Variants in PBX3 observed in about 807,000 individuals in gnomAD.
PBX3 encodes the protein PBX homeobox 3.
A neutral mutation model predicts 48.5 loss-of-function variants in PBX3; 14 were observed. The observed-to-expected ratio is 0.29, with a 90% CI of 0.19 to 0.45. The LOEUF (loss-of-function observed/expected upper bound fraction) is 0.45, where lower values mean the gene tolerates loss of function less well. PBX3 is among the 20% of genes least tolerant of loss of function. PBX3 has a pLI of 1.00. For synonymous variants in PBX3, 210 were observed against 200.3 expected (o/e 1.05, Z -0.41); for missense variants, 386 against 546.7 (o/e 0.71, Z 2.93).
intron 4 of PBX3, 50 bp downstream of exon 4, chr9:125,929,895 C>T: frequency 7.3e-7 from 1 of 1,377,674 alleles, no homozygotes. Flanking sequence ...TCTGTCACTC[C>T]TTGTGTATTA....
chr9:125,754,562 A>G (rs1231620479), intron 2 of PBX3, among the ~76,000 whole-genome samples: 1 of 150,564 alleles, frequency 6.6e-6, no homozygotes, highest in East Asian at 1.9e-4. Flanking sequence ...TACTGAAAAA[A>G]TAAACCACCT....
intron 5 of PBX3, among the ~76,000 whole-genome samples, chr9:125,955,750 C>T (rs1842292195): frequency 6.6e-6 from 1 of 152,210 alleles, no homozygotes; most frequent in African/African-American, 2.4e-5. Context: ...AATCCTGTTG[C>T]TTTTAGAGTC....
intron 2 of PBX3, among the ~76,000 whole-genome samples, chr9:125,841,159 A>G (rs1227540996): frequency 6.6e-6 from 1 of 152,314 alleles, no homozygotes; most frequent in African/African-American, 2.4e-5. Flanking sequence ...GAGAGGTTTA[A>G]TAAATTGTCT....
At chr9:125,842,450 GA>G (rs1249017438) in intron 2 of PBX3, among the ~76,000 whole-genome samples, 3 of 152,156 alleles carry the variant, frequency 2.0e-5, no homozygotes, top group Admixed American at 2.0e-4. Flanking sequence ...CCGGTTAGGA[GA>G]AATCTGCACA....
chr9:125,769,325 C>CAAA (rs1333869109), intron 2 of PBX3, among the ~76,000 whole-genome samples: 1 of 152,204 alleles, frequency 6.6e-6, no homozygotes. Context: ...TATCTTATTA[C>CAAA]TGTGAAAATA....
intron 2 of PBX3, among the ~76,000 whole-genome samples, chr9:125,864,576 G>A (rs961602224): frequency 6.6e-6 from 1 of 152,192 alleles, no homozygotes; most frequent in Admixed American, 6.5e-5. Context: ...GGGATGATGG[G>A]AAACAGGGAC....
chr9:125,803,124 C>T (rs1425319769), intron 2 of PBX3, among the ~76,000 whole-genome samples: 3 of 132,034 alleles, frequency 2.3e-5, no homozygotes, highest in African/African-American at 2.9e-5. Flanking sequence ...GTCAGAGTCT[C>T]GCTGTGTCGC....
At chr9:125,928,078 G>A (rs1334182443) in intron 3 of PBX3, among the ~76,000 whole-genome samples, 1 of 152,008 alleles carries the variant, frequency 6.6e-6, no homozygotes, top group African/African-American at 2.4e-5. Flanking sequence ...AGCTACTCGG[G>A]AGGCTGAGGC....
At position 125,921,832 on chromosome 9, in the gene PBX3, A is replaced by G. The variant is rs1841464174; in HGVS notation, c.516+5905A>G. 2.0e-5 allele frequency among the ~76,000 whole-genome samples: 3 copies of G among 152,338 alleles called. No individual in the cohort carries two copies. In the South Asian group the frequency reaches 6.2e-4, roughly 32 times the overall value. On this transcript the variant is annotated intron_variant, in intron 3 of 8. Coordinates refer to ENST00000373489, the MANE Select transcript of PBX3 (RefSeq NM_006195.6). ...TAGTTGCAGTACAAATTTGAGGGGC[A>G]TCTACTTTTTAAAAGATATTTATTC...
At chr9:125,869,272 G>A (rs1273849847) in intron 2 of PBX3, among the ~76,000 whole-genome samples, 1 of 152,094 alleles carries the variant, frequency 6.6e-6, no homozygotes, top group African/African-American at 2.4e-5. Flanking sequence ...GATGTTAAGA[G>A]GATAGAGTAA....
chr9:125,964,076 C>G lies in PBX3; in HGVS notation c.1212+975C>G, dbSNP rs1469014121. Among the ~76,000 whole-genome samples, 3 of 152,040 alleles carry G rather than the reference C, an allele frequency of 2.0e-5. No individual in the cohort carries two copies. In the East Asian group the frequency reaches 5.8e-4, roughly 29 times the overall value. On this transcript the variant is annotated intron_variant, in intron 8 of 8. Coordinates refer to ENST00000373489, the MANE Select transcript of PBX3 (RefSeq NM_006195.6). ...TTCAGAGAATGTGCGATATCCTTAT[C>G]AACATGATAAAATATGAAACTGTGA...
intron 5 of PBX3, among the ~76,000 whole-genome samples, chr9:125,958,109 T>C (rs1281144273): frequency 6.6e-6 from 1 of 152,220 alleles, no homozygotes; most frequent in African/African-American, 2.4e-5. Flanking sequence ...TAATGGTCAC[T>C]GAGGATTTGT....
chr9:125,777,656 G>T (rs375185665), intron 2 of PBX3, among the ~76,000 whole-genome samples: 1 of 151,878 alleles, frequency 6.6e-6, no homozygotes, highest in African/African-American at 2.4e-5. Flanking sequence ...GAGCCACCAC[G>T]CCCAGCCTAA....
At chr9:125,868,561 G>A (rs1012400524) in intron 2 of PBX3, among the ~76,000 whole-genome samples, 2 of 152,310 alleles carry the variant, frequency 1.3e-5, no homozygotes, top group East Asian at 3.9e-4. Flanking sequence ...TTCCAGGGGC[G>A]TGGAGTAGGG....
intron 2 of PBX3, among the ~76,000 whole-genome samples, chr9:125,812,282 G>A (rs183425468): frequency 3.9e-5 from 6 of 152,218 alleles, no homozygotes; most frequent in African/African-American, 1.2e-4. Flanking sequence ...TGGGTTGGGG[G>A]GCACAAATAT....
intron 5 of PBX3, 69 bp from the exon 6 acceptor site, chr9:125,960,615 C>T (rs1842407416): frequency 1.4e-6 from 2 of 1,400,484 alleles, no homozygotes; most frequent in Admixed American, 1.7e-5. Flanking sequence ...TGGTGTCCAG[C>T]AGGTATTATT....
At chr9:125,937,045 C>A (rs1194069971) in intron 5 of PBX3, among the ~76,000 whole-genome samples, 1 of 152,192 alleles carries the variant, frequency 6.6e-6, no homozygotes, top group African/African-American at 2.4e-5. Flanking sequence ...CCTGTTCTCA[C>A]AACCACTCTC....
chr9:125,802,442 A>T (rs1837986261), intron 2 of PBX3, among the ~76,000 whole-genome samples: 1 of 135,008 alleles, frequency 7.4e-6, no homozygotes, highest in East Asian at 2.1e-4. Flanking sequence ...GTCATGGCTC[A>T]CTGCAGCCTC....
chr9:125,751,383 T>C (rs1037457168), intron 2 of PBX3, among the ~76,000 whole-genome samples: 1 of 152,258 alleles, frequency 6.6e-6, no homozygotes, highest in African/African-American at 2.4e-5. Flanking sequence ...CAGTGAACAC[T>C]GCCAGTTCTT....
Sources: allele counts gnomAD v4.1 joint callset (sites outside exome capture counted in the v4.1 genomes callset), GRCh38; gene constraint gnomAD v4.1.1; transcripts MANE v1.5; gene names NCBI Gene and HGNC (gene_info 2026-07-23, HGNC 2026-07-21).